Variants in SLC35D4 observed in about 807,000 individuals in gnomAD.
SLC35D4 encodes the protein solute carrier family 35 member D4.
the SLC35D4 span, among the ~76,000 whole-genome samples, chr18:23,341,312 C>T: frequency 5.0e-4 from 76 of 152,230 alleles, no homozygotes; most frequent in East Asian, 0.013. Context: ...TTTTTCTCCA[C>T]GCTAAGTATT....
the SLC35D4 span, among the ~76,000 whole-genome samples, chr18:23,291,352 C>A: frequency 1.3e-5 from 2 of 152,196 alleles, no homozygotes; most frequent in African/African-American, 4.8e-5. Context: ...GGACGGTGGG[C>A]CTCAGCTCTA....
At chr18:23,285,995 C>A in the SLC35D4 span, among the ~76,000 whole-genome samples, 131 of 152,276 alleles carry the variant, frequency 8.6e-4, 1 homozygote, top group Non-Finnish European at 1.7e-3. Context: ...CCCTGAGACG[C>A]TTTACAGCCC....
chr18:23,332,525 G>A, the SLC35D4 span, among the ~76,000 whole-genome samples: 3 of 151,990 alleles, frequency 2.0e-5, no homozygotes, highest in South Asian at 6.2e-4. Flanking sequence ...CATTCTTTTG[G>A]GTGTGTGATT....
the SLC35D4 span, among the ~76,000 whole-genome samples, chr18:23,343,175 G>A: frequency 1.5e-4 from 23 of 152,058 alleles, no homozygotes; most frequent in Admixed American, 7.9e-4. Flanking sequence ...CACCTGCCTC[G>A]GCTTCCCAGA....
At chr18:23,434,104 TGAG>T in the SLC35D4 span, among the ~76,000 whole-genome samples, 1 of 152,212 alleles carries the variant, frequency 6.6e-6, no homozygotes, top group South Asian at 2.1e-4. Context: ...CCATCCTGCT[TGAG>T]AAGATGAAAC....
the SLC35D4 span, among the ~76,000 whole-genome samples, chr18:23,334,360 C>T: frequency 6.6e-6 from 1 of 152,212 alleles, no homozygotes; most frequent in African/African-American, 2.4e-5. Context: ...CACAAGAAGA[C>T]TGACATGGAA....
At chr18:23,306,600 C>A in the SLC35D4 span, among the ~76,000 whole-genome samples, 18 of 152,192 alleles carry the variant, frequency 1.2e-4, no homozygotes, top group African/African-American at 4.1e-4. Flanking sequence ...GCCACTGCGC[C>A]CAGCTAAAAT....
the SLC35D4 span, among the ~76,000 whole-genome samples, chr18:23,385,364 C>G: frequency 2.0e-5 from 3 of 152,228 alleles, no homozygotes; most frequent in African/African-American, 7.2e-5. Flanking sequence ...AACATGCCCC[C>G]TCAGGCGAGA....
At chr18:23,430,410 A>T in the SLC35D4 span, among the ~76,000 whole-genome samples, 1 of 152,278 alleles carries the variant, frequency 6.6e-6, no homozygotes, top group South Asian at 2.1e-4. Flanking sequence ...AATCCCAAAG[A>T]AATAGTTGGA....
chr18:23,294,712 C>G, the SLC35D4 span, among the ~76,000 whole-genome samples: 1 of 152,040 alleles, frequency 6.6e-6, no homozygotes, highest in African/African-American at 2.4e-5. Flanking sequence ...TGAGCTGTGA[C>G]TGCACCACTG....
At chr18:23,239,093 TTTAAATGA>T in the SLC35D4 span, among the ~76,000 whole-genome samples, 1 of 152,266 alleles carries the variant, frequency 6.6e-6, no homozygotes, top group Non-Finnish European at 1.5e-5. Flanking sequence ...CTTTTTTTTC[TTTAAATGA>T]TTTCATTGTG....
the SLC35D4 span, among the ~76,000 whole-genome samples, chr18:23,428,748 G>A: frequency 2.1e-4 from 32 of 151,502 alleles, no homozygotes; most frequent in Admixed American, 1.7e-3. Flanking sequence ...GGTACATTGC[G>A]TGATGCTGGT....
chr18:23,352,727 C>T, the SLC35D4 span, among the ~76,000 whole-genome samples: 40 of 152,236 alleles, frequency 2.6e-4, no homozygotes, highest in African/African-American at 9.1e-4. Context: ...GGCCTCCAGG[C>T]TCAAAAGAAT....
chr18:23,276,127 G>A, the SLC35D4 span, among the ~76,000 whole-genome samples: 28 of 151,620 alleles, frequency 1.8e-4, no homozygotes, highest in East Asian at 3.9e-4. Context: ...TCACTCTGTC[G>A]CCCAGCCTGG....
the SLC35D4 span, among the ~76,000 whole-genome samples, chr18:23,286,543 G>T: frequency 1.3e-5 from 2 of 151,850 alleles, no homozygotes; most frequent in Non-Finnish European, 2.9e-5. Flanking sequence ...CTGCCCGATC[G>T]CCTCGGAAGC....
the SLC35D4 span, among the ~76,000 whole-genome samples, chr18:23,239,169 C>A: frequency 2.0e-5 from 3 of 152,214 alleles, no homozygotes; most frequent in Non-Finnish European, 4.4e-5. Context: ...TATACACATA[C>A]AACTTTTCCT....
chr18:23,405,453 G>T, the SLC35D4 span, among the ~76,000 whole-genome samples: 1 of 152,182 alleles, frequency 6.6e-6, no homozygotes, highest in Non-Finnish European at 1.5e-5. Flanking sequence ...GCCTCCCAAA[G>T]TGCTGGGATT....
At chr18:23,294,673 T>C in the SLC35D4 span, among the ~76,000 whole-genome samples, 1 of 152,034 alleles carries the variant, frequency 6.6e-6, no homozygotes, top group African/African-American at 2.4e-5. Context: ...GTGGGAGGAC[T>C]GCTTGAGCCT....
At chr18:23,287,640 C>T in the SLC35D4 span, among the ~76,000 whole-genome samples, 1 of 152,274 alleles carries the variant, frequency 6.6e-6, no homozygotes, top group South Asian at 2.1e-4. Flanking sequence ...CTAACAAAAC[C>T]ATTACATAAA....
Sources: gnomAD v4.1 joint callset for allele counts (sites outside exome capture counted in the v4.1 genomes callset) on GRCh38, gnomAD v4.1.1 for gene constraint, MANE v1.5 for transcripts, NCBI Gene and HGNC (gene_info 2026-07-23, HGNC 2026-07-21) for gene names.